DHCR7: variants seen among roughly 807,000 people sequenced by gnomAD.
DHCR7 encodes the protein 7-DHC reductase.
DHCR7 carries 40 observed loss-of-function variants against 43.3 expected under a neutral mutation model. The ratio of observed to expected loss-of-function variants is 0.92; its 90% CI spans 0.72 to 1.20. The LOEUF (loss-of-function observed/expected upper bound fraction) is 1.20. Among genes scored for constraint, DHCR7 ranks in the 50% most tolerant of loss-of-function variants. DHCR7 has a pLI of 0.00. For synonymous variants in DHCR7, 298 were observed against 271.4 expected, an observed-to-expected ratio of 1.10 and a Z score of -0.96; for missense variants, 608 against 644.6, an observed-to-expected ratio of 0.94 and a Z score of 0.62.
rs190440425 is a variant in DHCR7 at position 71,438,731 on chromosome 11, G to A, written c.831+148C>T. 164 of 837,254 alleles carry A rather than the reference G, an allele frequency of 2.0e-4. No individual in the cohort carries two copies. The East Asian group carries it at 3.3e-3, about 17-fold the overall frequency. 51.9% of individuals were successfully genotyped at this position (837,254 alleles called of 1,614,324 possible). On this transcript the variant is annotated intron_variant, in intron 7 of 8. Coordinates refer to ENST00000355527, the MANE Select transcript of DHCR7 (RefSeq NM_001360.3). ...GGATGGCTTCCTTCACCAAGTGCTCGCCGGCTGCTTCCTGGTGACACCTGG... is the reference window on the plus strand; with the variant it reads ...GGATGGCTTCCTTCACCAAGTGCTCACCGGCTGCTTCCTGGTGACACCTGG...
At chr11:71,440,728 T>C (rs12285189) in intron 6 of DHCR7, among the ~76,000 whole-genome samples, 972 of 19,130 alleles carry the variant, frequency 0.051, 15 homozygotes, top group African/African-American at 0.16. Context: ...GGGGGGTGGA[T>C]GGGTGGGTGG....
At chr11:71,441,592 GC>G in intron 5 of DHCR7, 152 bp from the exon 6 acceptor site, 1 of 717,698 alleles carries the variant, frequency 1.4e-6, no homozygotes, top group South Asian at 1.5e-5. Context: ...CATCTCTGAG[GC>G]CCCTATACCC....
At chr11:71,444,495 A>G (rs188142055) in intron 3 of DHCR7, among the ~76,000 whole-genome samples, 31 of 152,298 alleles carry the variant, frequency 2.0e-4, no homozygotes, top group Non-Finnish European at 3.7e-4. Context: ...CACCAAGGCC[A>G]GTGGTTTCCC....
At position 71,437,379 on chromosome 11, in the gene DHCR7, A is replaced by T. The variant is rs570352146; in HGVS notation, c.963+433T>A. 2.4e-3 allele frequency among the ~76,000 whole-genome samples: 370 copies of T among 152,280 alleles called. 1 individual carries two copies. Among genetic ancestry groups the T allele is most frequent in the African/African-American group, 8.4e-3 (348 of 41,550 alleles). On this transcript the variant is annotated intron_variant, in intron 8 of 8. Transcript: ENST00000355527. Reference sequence around the variant, plus strand: ...ACCTGGGAGCCCAGCACTCTCCCCAAATCAGAGCAGGGCTGCTCTCGTTGA... The same window carrying T: ...ACCTGGGAGCCCAGCACTCTCCCCATATCAGAGCAGGGCTGCTCTCGTTGA...
At position 71,441,212 on chromosome 11, in the gene DHCR7, C is replaced by T. The variant is rs736894; in HGVS notation, c.626+15G>A. On this transcript the variant is annotated intron_variant, in intron 6 of 8. Coordinates refer to ENST00000355527, the MANE Select transcript of DHCR7 (RefSeq NM_001360.3). The stretch of plus-strand genomic sequence containing the variant: ...CACTTTCTACATCAGGCTGGACCCG[C>T]TGCTAAGAACATACCAGTCTCTGGC... The T allele has an allele frequency of 0.24, 391,053 of 1,613,024 alleles. 55,153 individuals carry two copies. The highest frequency in any genetic ancestry group is 0.47 in the South Asian group (42,867 of 91,052).
downstream of DHCR7, among the ~76,000 whole-genome samples, chr11:71,430,389 T>C (rs777736889): frequency 6.6e-6 from 1 of 152,208 alleles, no homozygotes; most frequent in African/African-American, 2.4e-5. Flanking sequence ...GCAAGCTCCA[T>C]GCAGGACCCG....
chr11:71,440,130 G>A (rs1257789730), intron 6 of DHCR7, among the ~76,000 whole-genome samples: 1 of 152,158 alleles, frequency 6.6e-6, no homozygotes, highest in South Asian at 2.1e-4. Flanking sequence ...GGGGTGCAGG[G>A]TGGCAGGGAT....
downstream of DHCR7, among the ~76,000 whole-genome samples, chr11:71,432,824 G>A (rs1483425769): frequency 6.6e-6 from 1 of 152,222 alleles, no homozygotes; most frequent in Admixed American, 6.5e-5. Flanking sequence ...ATCAAAGACA[G>A]TGCCTGCAAT....
chr11:71,447,303 A>T (rs1949415442), intron 2 of DHCR7, among the ~76,000 whole-genome samples: 1 of 152,232 alleles, frequency 6.6e-6, no homozygotes, highest in African/African-American at 2.4e-5. Flanking sequence ...AGCCACTGGG[A>T]GAATGTTGTC....
Position 71,444,092 on chromosome 11 carries a change from G to C in DHCR7, c.222C>G (p.Asp74Glu), listed in dbSNP as rs183441430. ...YSCALTGPVVDIVTGHARLSD... is the reference protein window; with the variant it reads ...YSCALTGPVVEIVTGHARLSD... ...AGAGCCGAGCATGTCCGGTGACGATGTCCACCACAGGGCCAGTCAGGGCGC... is the reference window on the plus strand; with the variant it reads ...AGAGCCGAGCATGTCCGGTGACGATCTCCACCACAGGGCCAGTCAGGGCGC... Residue 74 changes from aspartate (D) to glutamate (E), a missense_variant, in exon 4 of 9, where the codon GAC (aspartate) becomes GAG (glutamate). Physicochemically the swap from Asp to Glu is conservative, Grantham distance 45. Coordinates refer to ENST00000355527, the MANE Select transcript of DHCR7 (RefSeq NM_001360.3). The C allele has an allele frequency of 1.4e-5, 22 of 1,613,340 alleles. No homozygotes were observed. The East Asian group carries it at 4.2e-4, about 31-fold the overall frequency.
chr11:71,441,101 C>T (rs1949342694), intron 6 of DHCR7, 126 bp downstream of exon 6: 3 of 879,462 alleles, frequency 3.4e-6, no homozygotes, highest in Admixed American at 1.9e-5. Flanking sequence ...AGTTCCATCC[C>T]CCTCCTCCTC....
chr11:71,435,991 A>C, intron 8 of DHCR7, 152 bp from the exon 9 acceptor site: 1 of 681,870 alleles, frequency 1.5e-6, no homozygotes, highest in East Asian at 2.7e-5. Context: ...TAAAAGCACC[A>C]ACCTTGAGGG....
chr11:71,438,983 GGCGCCCATTGAAGAACA>G lies in DHCR7; in HGVS notation c.710_726del (p.Leu237ProfsTer41). On this transcript the variant is annotated frameshift_variant, in exon 7 of 9. Transcript: ENST00000355527. LOFTEE classifies it high-confidence loss of function. ...ATGAGGGTCCAGGCGACGATCCCGG[GGCGCCCATTGAAGAACA>G]GCTTGAAGTCAAACCACTTCCCGAT... The G allele has an allele frequency of 6.2e-7, 1 of 1,614,080 alleles. No individual in the cohort carries two copies. Among genetic ancestry groups the G allele is most frequent in the African/African-American group, 1.3e-5 (1 of 75,070 alleles).
chr11:71,438,338 G>C (rs569508380), intron 7 of DHCR7, among the ~76,000 whole-genome samples: 2 of 152,224 alleles, frequency 1.3e-5, no homozygotes, highest in South Asian at 4.1e-4. Context: ...TGGCTCCCTG[G>C]GTGACGCTTC....
intron 1 of DHCR7, 39 bp downstream of exon 1, chr11:71,448,251 C>CT (rs1478567475): frequency 5.1e-5 from 8 of 155,370 alleles, no homozygotes; most frequent in African/African-American, 1.9e-4. Context: ...CTGCGCACAC[C>CT]TTCCCCTGGC....
chr11:71,442,133 G>T, intron 5 of DHCR7, 130 bp downstream of exon 5: 1 of 769,418 alleles, frequency 1.3e-6, no homozygotes. Context: ...CTGGTGCTGT[G>T]AAAAATCCAA....
intron 3 of DHCR7, 71 bp downstream of exon 3, chr11:71,444,784 C>A (rs1188812267): frequency 7.2e-6 from 10 of 1,396,174 alleles, no homozygotes; most frequent in Non-Finnish European, 4.1e-6. Context: ...TGGGTCCATA[C>A]AATTCCAAAG....
At chr11:71,436,989 C>A (rs1433575483) in intron 8 of DHCR7, among the ~76,000 whole-genome samples, 1 of 152,186 alleles carries the variant, frequency 6.6e-6, no homozygotes, top group African/African-American at 2.4e-5. Flanking sequence ...CTGCAGCCAG[C>A]CAGGTGGAGA....
At chr11:71,445,229 C>G (rs117333869) in intron 2 of DHCR7, among the ~76,000 whole-genome samples, 4 of 152,346 alleles carry the variant, frequency 2.6e-5, no homozygotes, top group East Asian at 3.9e-4. Context: ...GAATGCCCCC[C>G]CTCTTACAGC....
Sources: gnomAD v4.1 joint callset for allele counts (sites outside exome capture counted in the v4.1 genomes callset) on GRCh38, gnomAD v4.1.1 for gene constraint, MANE v1.5 for transcripts, NCBI Gene and HGNC (gene_info 2026-07-23, HGNC 2026-07-21) for gene names.